The following ENTREP2 variants were observed in gnomAD, a reference collection of about 807,000 sequenced individuals.
ENTREP2 encodes endosomal transmembrane epsin interactor 2.
At chr15:29,127,108 C>T in the ENTREP2 span, among the ~76,000 whole-genome samples, 1 of 152,320 alleles carries the variant, frequency 6.6e-6, no homozygotes, top group Non-Finnish European at 1.5e-5. Context: ...GAAGCGAGCC[C>T]TCCAGGGAAT....
the ENTREP2 span, among the ~76,000 whole-genome samples, chr15:29,474,596 C>G: frequency 1.2e-4 from 18 of 152,138 alleles, no homozygotes; most frequent in East Asian, 3.5e-3. Flanking sequence ...ACTCCGTCAC[C>G]CAGGCTGGAG....
At chr15:29,343,858 G>A in the ENTREP2 span, among the ~76,000 whole-genome samples, 1 of 151,980 alleles carries the variant, frequency 6.6e-6, no homozygotes, top group Non-Finnish European at 1.5e-5. Context: ...TAAAATAAAT[G>A]CTCTATAAAT....
At chr15:29,126,209 C>T in the ENTREP2 span, 6 of 1,340,572 alleles carry the variant, frequency 4.5e-6, no homozygotes, top group East Asian at 2.6e-5. Context: ...CTGAGACCTG[C>T]AGCATCCAAG....
the ENTREP2 span, among the ~76,000 whole-genome samples, chr15:29,430,137 A>T: frequency 1.3e-5 from 2 of 152,104 alleles, no homozygotes. Context: ...GAAAGGCAAG[A>T]AGGCTTTCTT....
the ENTREP2 span, among the ~76,000 whole-genome samples, chr15:29,641,831 C>CAA: frequency 6.6e-3 from 519 of 78,620 alleles, 6 homozygotes; most frequent in African/African-American, 0.018. Flanking sequence ...GACTCTGTCT[C>CAA]AAAAAAAAAA....
the ENTREP2 span, chr15:29,570,842 T>G: frequency 2.1e-5 from 5 of 243,122 alleles, no homozygotes; most frequent in Non-Finnish European, 3.2e-5. Flanking sequence ...CCCAGCCGGC[T>G]GCCAGGGCTG....
the ENTREP2 span, among the ~76,000 whole-genome samples, chr15:29,400,785 G>C: frequency 6.6e-6 from 1 of 152,240 alleles, no homozygotes; most frequent in Non-Finnish European, 1.5e-5. Flanking sequence ...AGGAATCTGT[G>C]TTCTCAATCC....
the ENTREP2 span, among the ~76,000 whole-genome samples, chr15:29,179,242 C>T: frequency 4.6e-5 from 7 of 152,324 alleles, no homozygotes; most frequent in East Asian, 5.8e-4. Flanking sequence ...AACTGCTCTC[C>T]GCTCAATTTC....
chr15:29,530,052 G>T, the ENTREP2 span, among the ~76,000 whole-genome samples: 5 of 152,108 alleles, frequency 3.3e-5, no homozygotes, highest in Non-Finnish European at 7.3e-5. Flanking sequence ...GAAGCCCAGG[G>T]CCCCTCGTGC....
the ENTREP2 span, among the ~76,000 whole-genome samples, chr15:29,154,053 T>C: frequency 0.13 from 19,273 of 152,252 alleles, 2,055 homozygotes; most frequent in African/African-American, 0.29. Flanking sequence ...AATTTCATTT[T>C]CCAAATGTTG....
At chr15:29,397,813 G>T in the ENTREP2 span, among the ~76,000 whole-genome samples, 1 of 152,116 alleles carries the variant, frequency 6.6e-6, no homozygotes, top group African/African-American at 2.4e-5. Flanking sequence ...AGGGAAAAAA[G>T]GGGGAACTTC....
the ENTREP2 span, among the ~76,000 whole-genome samples, chr15:29,197,692 G>A: frequency 1.3e-5 from 2 of 151,924 alleles, no homozygotes; most frequent in South Asian, 4.2e-4. Flanking sequence ...CTTGAACCCA[G>A]GATGCGGAGG....
the ENTREP2 span, among the ~76,000 whole-genome samples, chr15:29,649,334 G>A: frequency 6.6e-6 from 1 of 152,298 alleles, no homozygotes; most frequent in Non-Finnish European, 1.5e-5. Context: ...TTGTTCTTAG[G>A]AGTTATTTAT....
chr15:29,595,142 G>A, the ENTREP2 span, among the ~76,000 whole-genome samples: 5 of 150,444 alleles, frequency 3.3e-5, no homozygotes, highest in African/African-American at 7.3e-5. Flanking sequence ...TAAACCCAGC[G>A]GGGAGGGAAC....
the ENTREP2 span, among the ~76,000 whole-genome samples, chr15:29,465,002 C>G: frequency 3.3e-5 from 5 of 152,064 alleles, no homozygotes; most frequent in Non-Finnish European, 5.9e-5. Context: ...CTGCCATGAG[C>G]TGTAGGACAC....
At chr15:29,239,966 C>T in the ENTREP2 span, among the ~76,000 whole-genome samples, 2 of 152,270 alleles carry the variant, frequency 1.3e-5, no homozygotes, top group East Asian at 3.9e-4. Flanking sequence ...CCTCCGCTGT[C>T]GGGTGTTTCT....
the ENTREP2 span, among the ~76,000 whole-genome samples, chr15:29,247,465 T>C: frequency 6.6e-6 from 1 of 152,180 alleles, no homozygotes; most frequent in African/African-American, 2.4e-5. Context: ...GTAGAACTTG[T>C]CCTACCATGT....
chr15:29,641,831 CA>C, the ENTREP2 span, among the ~76,000 whole-genome samples: 6,082 of 78,580 alleles, frequency 0.077, 121 homozygotes, highest in South Asian at 0.11. Context: ...GACTCTGTCT[CA>C]AAAAAAAAAA....
chr15:29,492,926 C>T, the ENTREP2 span, among the ~76,000 whole-genome samples: 3 of 151,334 alleles, frequency 2.0e-5, no homozygotes, highest in Non-Finnish European at 4.4e-5. Flanking sequence ...ATCGCTTGAA[C>T]CCTGGAAGCG....
Sources: gnomAD v4.1 joint callset for allele counts (sites outside exome capture counted in the v4.1 genomes callset) on GRCh38, gnomAD v4.1.1 for gene constraint, MANE v1.5 for transcripts, NCBI Gene and HGNC (gene_info 2026-07-23, HGNC 2026-07-21) for gene names.